Variants in DIP2C observed in about 807,000 individuals in gnomAD.
DIP2C encodes DIP2 acetate--CoA ligase C (putative).
DIP2C carries 33 observed loss-of-function variants against 192.4 expected under a neutral mutation model. The ratio of observed to expected loss-of-function variants is 0.17; its 90% CI spans 0.13 to 0.23. DIP2C has a LOEUF of 0.23. Among genes scored for constraint, DIP2C ranks in the 10% least tolerant of loss-of-function variants. The pLI is 1.00. For synonymous variants in DIP2C, 979 were observed against 864.1 expected, an observed-to-expected ratio of 1.13 and a Z score of -2.33; for missense variants, 1,537 against 2,110.1, an observed-to-expected ratio of 0.73 and a Z score of 5.32.
intron 1 of DIP2C, among the ~76,000 whole-genome samples, chr10:566,622 C>G (rs946424950): frequency 2.0e-5 from 3 of 152,262 alleles, no homozygotes; most frequent in Non-Finnish European, 4.4e-5. Context: ...AGCCCCAGCA[C>G]ACAGAAGCCC....
chr10:652,376 G>A lies in DIP2C; in HGVS notation c.85+37118C>T. The A allele has an allele frequency of 5.6e-6, 1 of 178,660 alleles. No homozygotes were observed. The highest frequency in any genetic ancestry group is 1.2e-5 in the Non-Finnish European group (1 of 82,458). The allele number at this position is 178,660 out of a possible 1,614,324, so 11.1% of individuals were successfully genotyped here. A position where few individuals can be genotyped will look rare whatever the true frequency, so the allele number is the denominator to read the frequency against. On this transcript the variant is annotated intron_variant, in intron 1 of 36. Coordinates refer to ENST00000280886, the MANE Select transcript of DIP2C (RefSeq NM_014974.3). The surrounding 1 kb of genome is among the most constrained non-coding windows in gnomAD (Gnocchi z 4.5). The stretch of plus-strand genomic sequence containing the variant: ...GCTGAGAACTGAGTTCCAGTCCCGG[G>A]GTGGGGTGGCGGGGGGGCGCACTGT...
chr10:318,842 T>C (rs1283020162), intron 31 of DIP2C, among the ~76,000 whole-genome samples: 1 of 152,042 alleles, frequency 6.6e-6, no homozygotes, highest in Non-Finnish European at 1.5e-5. Flanking sequence ...TTAATGAAAG[T>C]CTTATTATTA....
chr10:684,630 T>C (rs554557170), intron 1 of DIP2C, among the ~76,000 whole-genome samples: 2 of 152,166 alleles, frequency 1.3e-5, no homozygotes, highest in Admixed American at 1.3e-4. Flanking sequence ...CTCCAAGAAA[T>C]GCACAGGGCT....
intron 3 of DIP2C, among the ~76,000 whole-genome samples, chr10:459,485 C>T (rs1969576591): frequency 6.6e-6 from 1 of 152,222 alleles, no homozygotes; most frequent in Non-Finnish European, 1.5e-5. Flanking sequence ...GTTCTTAGTT[C>T]ATCAAAAGAC....
intron 1 of DIP2C, among the ~76,000 whole-genome samples, chr10:537,240 A>C: frequency 6.6e-6 from 1 of 152,118 alleles, no homozygotes. Flanking sequence ...CGTATGAAGG[A>C]GGCAGTGGGA....
At chr10:425,847 G>T (rs945290949) in intron 4 of DIP2C, among the ~76,000 whole-genome samples, 1 of 152,206 alleles carries the variant, frequency 6.6e-6, no homozygotes, top group Non-Finnish European at 1.5e-5. Context: ...ACAAAATCAG[G>T]AATAGAAGGC....
At chr10:318,915 T>TC (rs1288853895) in intron 31 of DIP2C, among the ~76,000 whole-genome samples, 2 of 151,728 alleles carry the variant, frequency 1.3e-5, no homozygotes, top group Non-Finnish European at 2.9e-5. Context: ...TTTTTCTTTT[T>TC]TTTTTTTATA....
At chr10:534,839 G>A (rs1314023367) in intron 1 of DIP2C, among the ~76,000 whole-genome samples, 4 of 151,678 alleles carry the variant, frequency 2.6e-5, no homozygotes, top group African/African-American at 9.7e-5. Context: ...ACCGCGCCCG[G>A]CTAATTTTTT....
At chr10:393,820 G>A (rs968069249) in intron 10 of DIP2C, among the ~76,000 whole-genome samples, 14 of 133,346 alleles carry the variant, frequency 1.0e-4, no homozygotes, top group South Asian at 2.5e-4. Flanking sequence ...AAAGAAAAAG[G>A]AAAAGGAAAA....
At chr10:555,504 G>GT (rs1239266132) in intron 1 of DIP2C, among the ~76,000 whole-genome samples, 2 of 152,182 alleles carry the variant, frequency 1.3e-5, no homozygotes, top group Non-Finnish European at 2.9e-5. Flanking sequence ...CAGCATGCGG[G>GT]TATCTCTGTG....
intron 3 of DIP2C, among the ~76,000 whole-genome samples, chr10:450,000 T>C (rs965668371): frequency 3.3e-5 from 5 of 151,290 alleles, no homozygotes; most frequent in African/African-American, 1.2e-4. Context: ...AAATGGGTGC[T>C]GGGAAATTGA....
chr10:617,947 A>C (rs1853586576), intron 1 of DIP2C, among the ~76,000 whole-genome samples: 1 of 152,116 alleles, frequency 6.6e-6, no homozygotes, highest in African/African-American at 2.4e-5. Context: ...CAGGTGTGAC[A>C]ATTTAGGAAT....
intron 31 of DIP2C, among the ~76,000 whole-genome samples, chr10:325,203 T>C (rs1444067676): frequency 6.6e-6 from 1 of 151,764 alleles, no homozygotes; most frequent in Non-Finnish European, 1.5e-5. Flanking sequence ...AGGTGGAGCT[T>C]GCAGTGAGCC....
chr10:498,022 C>A (rs991176085), intron 1 of DIP2C, among the ~76,000 whole-genome samples: 2 of 145,406 alleles, frequency 1.4e-5, no homozygotes, highest in Non-Finnish European at 3.1e-5. Context: ...CAGGCAGGCA[C>A]CACCACACCC....
Position 329,414 on chromosome 10 carries a change from T to A in DIP2C, c.3753+19A>T, listed in dbSNP as rs752102839. 1.9e-5 allele frequency: 30 copies of A among 1,606,014 alleles called. No individual in the cohort carries two copies. The highest frequency in any genetic ancestry group is 2.6e-5 in the Non-Finnish European group (30 of 1,175,678). On this transcript the variant is annotated intron_variant, in intron 30 of 36. Transcript: ENST00000280886. ...CCTGTGGGCTCACAGGGCACTGAGCTGCCAAGGGAGCTGCTTACCTTGAGG... is the reference window on the plus strand; with the variant it reads ...CCTGTGGGCTCACAGGGCACTGAGCAGCCAAGGGAGCTGCTTACCTTGAGG...
intron 1 of DIP2C, among the ~76,000 whole-genome samples, chr10:622,529 C>G (rs1364981151): frequency 6.6e-6 from 1 of 152,114 alleles, no homozygotes; most frequent in African/African-American, 2.4e-5. Flanking sequence ...CAGTGACCAG[C>G]TGAGGACAGG....
At chr10:330,122 C>T (rs1186437459) in intron 29 of DIP2C, among the ~76,000 whole-genome samples, 1 of 152,082 alleles carries the variant, frequency 6.6e-6, no homozygotes, top group Non-Finnish European at 1.5e-5. Flanking sequence ...ATTTACCAAA[C>T]AGCAATTTAA....
At chr10:544,884 A>G (rs1057242513) in intron 1 of DIP2C, among the ~76,000 whole-genome samples, 2 of 151,642 alleles carry the variant, frequency 1.3e-5, no homozygotes, top group Non-Finnish European at 2.9e-5. Context: ...TTTAATAGTA[A>G]CCTCTGAAAT....
In DIP2C at chr10:524,967, C is replaced by CAAAAAAAAAAAA. The variant is rs10652748; in HGVS notation, c.86-38449_86-38438dup. 1.1e-3 allele frequency among the ~76,000 whole-genome samples: 123 copies of CAAAAAAAAAAAA among 111,094 alleles called. 2 individuals carry two copies. Among genetic ancestry groups the CAAAAAAAAAAAA allele is most frequent in the African/African-American group, 3.1e-3 (67 of 21,568 alleles). 72.9% of individuals were successfully genotyped at this position (111,094 alleles called of 152,430 possible). A position where few individuals can be genotyped will look rare whatever the true frequency, so the allele number is the denominator to read the frequency against. On this transcript the variant is annotated intron_variant, in intron 1 of 36. Transcript: ENST00000280886. Reference sequence around the variant, plus strand: ...ACACAGTTTAAGACAATCACAATTTCAAAAAAAAAAAAAAAAGAATCACAT... The same window carrying CAAAAAAAAAAAA: ...ACACAGTTTAAGACAATCACAATTTCAAAAAAAAAAAAAAAAAAAAAAAAAAAAGAATCACAT...
Sources: gnomAD v4.1 joint callset for allele counts (sites outside exome capture counted in the v4.1 genomes callset) on GRCh38, gnomAD v4.1.1 for gene constraint, Gnocchi (gnomAD v3.1) non-coding constraint, MANE v1.5 for transcripts, NCBI Gene and HGNC (gene_info 2026-07-23, HGNC 2026-07-21) for gene names.